CDH4: variants seen among roughly 807,000 people sequenced by gnomAD.
The protein encoded by CDH4 is cadherin 4.
In CDH4, 33 loss-of-function variants were observed where a neutral mutation model predicts 86.0. The ratio of observed to expected loss-of-function variants is 0.38; its 90% CI spans 0.29 to 0.51. CDH4 has a LOEUF of 0.51. CDH4 is among the 20% of genes least tolerant of loss of function. The pLI, the probability that CDH4 is intolerant of heterozygous loss-of-function variation, is 0.86. For missense variants in CDH4, 1,114 were observed against 1,307.4 expected (o/e 0.85, Z 2.28); for synonymous variants, 555 against 549.4 (o/e 1.01, Z -0.14).
intron 6 of CDH4, among the ~76,000 whole-genome samples, chr20:61,871,929 C>A (rs1259594072): frequency 6.6e-6 from 1 of 152,202 alleles, no homozygotes; most frequent in South Asian, 2.1e-4. Context: ...AACTCCTAGT[C>A]AGACACACCC....
chr20:61,833,947 A>C (rs1981742655), intron 4 of CDH4, among the ~76,000 whole-genome samples: 1 of 152,198 alleles, frequency 6.6e-6, no homozygotes, highest in African/African-American at 2.4e-5. Context: ...AGGGTGCAGG[A>C]GTGGGAGACA....
intron 2 of CDH4, among the ~76,000 whole-genome samples, chr20:61,282,077 G>T (rs939347371): frequency 6.6e-6 from 1 of 152,222 alleles, no homozygotes; most frequent in Non-Finnish European, 1.5e-5. Context: ...AGAAATTCAC[G>T]GCTGGGCATG....
intron 2 of CDH4, among the ~76,000 whole-genome samples, chr20:61,546,243 G>A (rs1368238304): frequency 2.6e-5 from 4 of 151,666 alleles, no homozygotes; most frequent in Non-Finnish European, 5.9e-5. Context: ...GTGTGTGGGG[G>A]TATGTGGGAT....
intron 2 of CDH4, chr20:61,434,514 C>G (rs923148209): frequency 7.2e-5 from 11 of 151,968 alleles, no homozygotes; most frequent in Middle Eastern, 3.4e-3. Context: ...GTGCTGTAAT[C>G]CGGCTGTCCT....
chr20:61,675,937 T>C, intron 2 of CDH4, among the ~76,000 whole-genome samples: 1 of 152,244 alleles, frequency 6.6e-6, no homozygotes, highest in East Asian at 1.9e-4. Context: ...AGGGTTGCTC[T>C]ACCTGGAGGC....
intron 3 of CDH4, among the ~76,000 whole-genome samples, chr20:61,768,631 T>C (rs1390695502): frequency 6.6e-6 from 1 of 152,224 alleles, no homozygotes; most frequent in Non-Finnish European, 1.5e-5. Context: ...TGATGTCTTC[T>C]GAATGGGCCC....
intron 3 of CDH4, among the ~76,000 whole-genome samples, chr20:61,748,769 G>A (rs191928175): frequency 4.9e-4 from 75 of 152,066 alleles, no homozygotes; most frequent in African/African-American, 1.5e-3. Context: ...TAAATAAGAC[G>A]AAAATACTTG....
At chr20:61,334,442 C>T (rs762487254) in intron 2 of CDH4, among the ~76,000 whole-genome samples, 19 of 152,062 alleles carry the variant, frequency 1.2e-4, no homozygotes, top group Non-Finnish European at 2.2e-4. Context: ...TATAACAAAC[C>T]GCCTGAGACC....
chr20:61,739,819 G>T (rs115051292), intron 2 of CDH4, among the ~76,000 whole-genome samples: 2 of 152,214 alleles, frequency 1.3e-5, no homozygotes, highest in Non-Finnish European at 2.9e-5. Context: ...GACTCCAAGC[G>T]CCCACAGAAA....
At chr20:61,871,474 A>G (rs1240883561) in intron 6 of CDH4, among the ~76,000 whole-genome samples, 1 of 152,226 alleles carries the variant, frequency 6.6e-6, no homozygotes, top group Non-Finnish European at 1.5e-5. Context: ...ACAATCACAG[A>G]GAACCTCAGC....
intron 2 of CDH4, among the ~76,000 whole-genome samples, chr20:61,404,945 G>T (rs747685307): frequency 6.6e-6 from 1 of 152,120 alleles, no homozygotes; most frequent in Non-Finnish European, 1.5e-5. Flanking sequence ...AGCTATTCAC[G>T]AGGCTGAGGC....
intron 1 of CDH4, 35 bp from the exon 2 acceptor site, chr20:61,254,791 C>T (rs3752252): frequency 0.62 from 795,067 of 1,283,568 alleles, 249,015 homozygotes; most frequent in Non-Finnish European, 0.64. Flanking sequence ...TTTCTGTGAA[C>T]TTATTGTTTT....
At chr20:61,581,675 C>T (rs2086429680) in intron 2 of CDH4, among the ~76,000 whole-genome samples, 1 of 152,156 alleles carries the variant, frequency 6.6e-6, no homozygotes, top group South Asian at 2.1e-4. Context: ...GGGCTGCCTC[C>T]GTGACCCAGG....
At chr20:61,374,668 GA>G (rs1199303402) in intron 2 of CDH4, among the ~76,000 whole-genome samples, 1 of 152,222 alleles carries the variant, frequency 6.6e-6, no homozygotes, top group Non-Finnish European at 1.5e-5. Context: ...AATTTAACCT[GA>G]AAGATCGGTT....
intron 4 of CDH4, among the ~76,000 whole-genome samples, chr20:61,824,563 C>T (rs561320335): frequency 5.9e-5 from 9 of 152,212 alleles, no homozygotes; most frequent in South Asian, 2.1e-4. Flanking sequence ...ATTCTGTGTA[C>T]GCATATGTTC....
chr20:61,897,433 C>T (rs1478188626), intron 8 of CDH4, among the ~76,000 whole-genome samples: 2 of 152,042 alleles, frequency 1.3e-5, no homozygotes, highest in East Asian at 3.9e-4. Flanking sequence ...CACTGATCAG[C>T]CACCAGCGCT....
At chr20:61,371,286 T>C (rs2084838717) in intron 2 of CDH4, among the ~76,000 whole-genome samples, 1 of 152,120 alleles carries the variant, frequency 6.6e-6, no homozygotes, top group Non-Finnish European at 1.5e-5. Flanking sequence ...TCAGGGCCAT[T>C]TGCCCTCTTG....
intron 2 of CDH4, among the ~76,000 whole-genome samples, chr20:61,482,995 G>A (rs2085576430): frequency 6.6e-6 from 1 of 152,178 alleles, no homozygotes; most frequent in Non-Finnish European, 1.5e-5. Flanking sequence ...ATACCAATGG[G>A]TCAGCCCCCA....
intron 4 of CDH4, among the ~76,000 whole-genome samples, chr20:61,783,350 T>C (rs186002029): frequency 6.6e-6 from 1 of 152,348 alleles, no homozygotes; most frequent in East Asian, 1.9e-4. Context: ...CTTTCCTTAA[T>C]ATGTACATGT....
Sources: gnomAD v4.1 joint callset for allele counts (sites outside exome capture counted in the v4.1 genomes callset) on GRCh38, gnomAD v4.1.1 for gene constraint, MANE v1.5 for transcripts, NCBI Gene and HGNC (gene_info 2026-07-23, HGNC 2026-07-21) for gene names.